The following DPYD variants were observed in gnomAD, a reference collection of about 807,000 sequenced individuals.
The protein encoded by DPYD is dihydropyrimidine dehydrogenase.
DPYD carries 109 observed loss-of-function variants against 116.2 expected under a neutral mutation model. That is an observed-to-expected ratio of 0.94 (90% CI 0.80 to 1.10). The LOEUF (loss-of-function observed/expected upper bound fraction) is 1.10. Ranked by LOEUF, DPYD falls within the 50% of genes least tolerant of loss-of-function variation. The pLI, the probability that DPYD is intolerant of heterozygous loss-of-function variation, is 0.00. For synonymous variants in DPYD, 440 were observed against 432.0 expected, an observed-to-expected ratio of 1.02 and a Z score of -0.23; for missense variants, 1,302 against 1,254.5, an observed-to-expected ratio of 1.04 and a Z score of -0.57.
chr1:97,155,305 G>C (rs1301739760), intron 20 of DPYD, among the ~76,000 whole-genome samples: 1 of 152,054 alleles, frequency 6.6e-6, no homozygotes, highest in African/African-American at 2.4e-5. Context: ...GTCTGACTTT[G>C]GAATCATCAT....
intron 12 of DPYD, among the ~76,000 whole-genome samples, chr1:97,537,143 G>T (rs1204832745): frequency 1.3e-5 from 2 of 152,188 alleles, no homozygotes; most frequent in African/African-American, 4.8e-5. Context: ...AGAAGTTCTT[G>T]TAAGTTTGTT....
intron 14 of DPYD, among the ~76,000 whole-genome samples, chr1:97,408,351 T>G (rs1673792861): frequency 6.6e-6 from 1 of 152,216 alleles, no homozygotes; most frequent in Admixed American, 6.5e-5. Flanking sequence ...AGAACATGTT[T>G]GTGCATGTAT....
chr1:97,808,188 TG>T (rs1469380227), intron 3 of DPYD, among the ~76,000 whole-genome samples: 11 of 152,288 alleles, frequency 7.2e-5, no homozygotes, highest in African/African-American at 2.6e-4. Context: ...ACTGAATCTG[TG>T]GAACAATTTG....
rs1239528274 is a variant in DPYD, at chr1:97,092,595, C to T, written c.2766+5894G>A. On this transcript the variant is annotated intron_variant, in intron 21 of 22. Transcript: ENST00000370192. The stretch of plus-strand genomic sequence containing the variant: ...AGGTTAAGTAAGAAATAAGAAAATA[C>T]ATGTGCAGCTTCTATCTTGGGTCTG... 5.3e-5 allele frequency among the ~76,000 whole-genome samples: 8 copies of T among 152,244 alleles called. No homozygotes were observed. In the East Asian group the frequency reaches 1.4e-3, roughly 26 times the overall value.
At chr1:97,341,307 T>C (rs1669574878) in intron 16 of DPYD, among the ~76,000 whole-genome samples, 1 of 152,170 alleles carries the variant, frequency 6.6e-6, no homozygotes, top group Admixed American at 6.5e-5. Context: ...TTCATACAAA[T>C]ACCTTCAATT....
intron 2 of DPYD, among the ~76,000 whole-genome samples, chr1:97,879,731 C>T (rs945256601): frequency 4.6e-5 from 7 of 151,836 alleles, no homozygotes; most frequent in African/African-American, 1.7e-4. Flanking sequence ...CAAACACATG[C>T]TTATTTTCTA....
At chr1:97,666,901 C>T (rs1310637892) in intron 8 of DPYD, among the ~76,000 whole-genome samples, 1 of 152,150 alleles carries the variant, frequency 6.6e-6, no homozygotes, top group African/African-American at 2.4e-5. Context: ...ACTAGATTTC[C>T]ACTTAAAATG....
At chr1:97,365,574 T>C (rs1670989058) in intron 16 of DPYD, among the ~76,000 whole-genome samples, 1 of 152,236 alleles carries the variant, frequency 6.6e-6, no homozygotes, top group Non-Finnish European at 1.5e-5. Flanking sequence ...TAAAAAATAC[T>C]TTTGTTGCTT....
At chr1:97,473,809 C>A (rs1228279510) in intron 13 of DPYD, among the ~76,000 whole-genome samples, 1 of 152,002 alleles carries the variant, frequency 6.6e-6, no homozygotes, top group Non-Finnish European at 1.5e-5. Flanking sequence ...TAGTTTGAGA[C>A]CAGCCTGGGC....
At chr1:97,860,908 G>A (rs1177397774) in intron 2 of DPYD, among the ~76,000 whole-genome samples, 1 of 151,970 alleles carries the variant, frequency 6.6e-6, no homozygotes, top group African/African-American at 2.4e-5. Context: ...TTAAAAAAGA[G>A]ATCAGGACAA....
chr1:97,322,057 G>T (rs1360908532), intron 16 of DPYD, among the ~76,000 whole-genome samples: 2 of 102,984 alleles, frequency 1.9e-5, no homozygotes, highest in African/African-American at 7.2e-5. Context: ...ACACAGGAAG[G>T]GGAATATCAC....
chr1:97,785,886 G>A (rs1243681053), intron 3 of DPYD, among the ~76,000 whole-genome samples: 2 of 150,504 alleles, frequency 1.3e-5, no homozygotes, highest in Non-Finnish European at 3.0e-5. Context: ...GTAGAGATGG[G>A]GTTTCACTGT....
chr1:97,749,745 T>C (rs889338501), intron 3 of DPYD, among the ~76,000 whole-genome samples: 15 of 152,190 alleles, frequency 9.9e-5, no homozygotes, highest in African/African-American at 3.6e-4. Context: ...TATGTAATTT[T>C]TTTTTGCAAA....
intron 12 of DPYD, among the ~76,000 whole-genome samples, chr1:97,530,376 C>T (rs919838354): frequency 4.6e-5 from 7 of 151,894 alleles, no homozygotes; most frequent in African/African-American, 1.7e-4. Flanking sequence ...CACCACCACG[C>T]CAGGCTAATT....
At chr1:97,643,021 C>T (rs1044352040) in intron 8 of DPYD, among the ~76,000 whole-genome samples, 2 of 151,872 alleles carry the variant, frequency 1.3e-5, no homozygotes, top group African/African-American at 4.8e-5. Flanking sequence ...AGGACATAGG[C>T]ATGGACAAAG....
At chr1:97,592,249 T>C (rs1259089347) in intron 10 of DPYD, among the ~76,000 whole-genome samples, 1 of 152,216 alleles carries the variant, frequency 6.6e-6, no homozygotes, top group African/African-American at 2.4e-5. Context: ...CTTTATAAGG[T>C]ATTATATTTC....
chr1:97,767,434 T>C (rs945773152), intron 3 of DPYD, among the ~76,000 whole-genome samples: 1 of 152,130 alleles, frequency 6.6e-6, no homozygotes, highest in Admixed American at 6.6e-5. Flanking sequence ...ACCAAGAGAA[T>C]GTGGCAGAAA....
chr1:97,341,771 C>T (rs1378490978), intron 16 of DPYD, among the ~76,000 whole-genome samples: 1 of 152,128 alleles, frequency 6.6e-6, no homozygotes, highest in African/African-American at 2.4e-5. Context: ...TCTAGTCATG[C>T]TAACAGTAGC....
chr1:97,643,631 C>T lies in DPYD; in HGVS notation c.850+35464G>A, dbSNP rs1466253021. ...AATCATTCTACTATAGACACATGCA[C>T]ATGTATATTTATTGTGGCACTGTTT... On this transcript the variant is annotated intron_variant, in intron 8 of 22. Transcript: ENST00000370192. Among the ~76,000 whole-genome samples the T allele has an allele frequency of 1.2e-4, 19 of 152,136 alleles. 1 individual carries two copies. The highest frequency in any genetic ancestry group is 1.2e-3 in the Admixed American group (19 of 15,262).
Sources: gnomAD v4.1 joint callset for allele counts (sites outside exome capture counted in the v4.1 genomes callset) on GRCh38, gnomAD v4.1.1 for gene constraint, MANE v1.5 for transcripts, NCBI Gene and HGNC (gene_info 2026-07-23, HGNC 2026-07-21) for gene names.